PCDH15: variants seen among roughly 807,000 people sequenced by gnomAD.
PCDH15 encodes the protein protocadherin-15.
A neutral mutation model predicts 178.5 loss-of-function variants in PCDH15; 129 were observed. The observed-to-expected ratio is 0.72, with a 90% CI of 0.63 to 0.84. The LOEUF is 0.84. Among genes scored for constraint, PCDH15 ranks in the 40% least tolerant of loss-of-function variants. PCDH15 has a pLI of 0.00. For synonymous variants in PCDH15, 800 were observed against 732.0 expected, an observed-to-expected ratio of 1.09 and a Z score of -1.50; for missense variants, 2,230 against 2,099.9, an observed-to-expected ratio of 1.06 and a Z score of -1.21.
chr10:54,539,655 A>G (rs1298829408), intron 2 of PCDH15, among the ~76,000 whole-genome samples: 1 of 152,182 alleles, frequency 6.6e-6, no homozygotes, highest in Non-Finnish European at 1.5e-5. Flanking sequence ...AGGACACTCC[A>G]TATATCAACC....
intron 1 of PCDH15, among the ~76,000 whole-genome samples, chr10:54,675,219 A>G (rs1413615602): frequency 6.6e-6 from 1 of 152,044 alleles, no homozygotes; most frequent in Non-Finnish European, 1.5e-5. Context: ...TATTAAAATG[A>G]TACAGACATT....
chr10:54,030,727 G>A (rs1030080090), intron 18 of PCDH15, among the ~76,000 whole-genome samples: 30 of 151,884 alleles, frequency 2.0e-4, no homozygotes, highest in African/African-American at 7.2e-4. Flanking sequence ...GCTCTACCTG[G>A]TCTTGTTCTA....
At chr10:54,367,830 T>C (rs1947041349) in intron 5 of PCDH15, among the ~76,000 whole-genome samples, 2 of 151,506 alleles carry the variant, frequency 1.3e-5, no homozygotes, top group Admixed American at 1.3e-4. Flanking sequence ...TGTGTGTATA[T>C]ATATACATAT....
At chr10:55,291,139 C>T (rs1842997244) in intron 1 of PCDH15, among the ~76,000 whole-genome samples, 1 of 152,152 alleles carries the variant, frequency 6.6e-6, no homozygotes, top group African/African-American at 2.4e-5. Flanking sequence ...TTCATGTCCT[C>T]ACATTTCAAA....
At chr10:53,957,553 C>A (rs1023087580) in intron 23 of PCDH15, among the ~76,000 whole-genome samples, 2 of 147,000 alleles carry the variant, frequency 1.4e-5, no homozygotes, top group Admixed American at 7.0e-5. Flanking sequence ...GACTGATGGG[C>A]AGCCTGGATA....
At chr10:54,505,644 C>T (rs945706152) in intron 3 of PCDH15, among the ~76,000 whole-genome samples, 3 of 151,400 alleles carry the variant, frequency 2.0e-5, no homozygotes. Context: ...TGGGGCCTGT[C>T]GGGGGGTCGG....
intron 1 of PCDH15, among the ~76,000 whole-genome samples, chr10:54,757,739 A>T (rs553489165): frequency 2.3e-3 from 350 of 152,268 alleles, no homozygotes; most frequent in South Asian, 7.9e-3. Context: ...CGAGAGAGAG[A>T]CAGAGAGAGA....
In PCDH15 at chr10:54,020,284, C is replaced by A; in HGVS notation, c.2659G>T (p.Asp887Tyr). ...AGAAAAGTGATACTTGCTTCTTGGT[C>A]TGGAAATGCCTCATAATCTAAACTC... ...LRSLDYEAFP[D>Y]QEASITFLVE... The change falls in exon 20 of 38, where the codon GAC becomes TAC. Residue 887 changes from aspartate to tyrosine, a missense_variant. Physicochemically the swap from Asp to Tyr is radical, Grantham distance 160. Coordinates refer to ENST00000644397, the MANE Select transcript of PCDH15 (RefSeq NM_001384140.1). 6.2e-7 allele frequency: 1 copy of A among 1,613,754 alleles called. No homozygotes were observed. Among genetic ancestry groups the A allele is most frequent in the Non-Finnish European group, 8.5e-7 (1 of 1,179,788 alleles).
At chr10:54,177,372 C>T (rs190000340) in intron 13 of PCDH15, among the ~76,000 whole-genome samples, 3 of 152,106 alleles carry the variant, frequency 2.0e-5, no homozygotes, top group African/African-American at 4.8e-5. Context: ...GTCATTAGTA[C>T]AAAACCATAA....
chr10:55,450,955 C>CTATATATATATATATATATATA lies in PCDH15; in HGVS notation c.-156+176648_-156+176669dup, dbSNP rs56986885. ...AGATACATGGAAGAAGGGGTAAGAA[C>CTATATATATATATATATATATA]TATATATATATATATATATATATAT... is the stretch of plus-strand genomic sequence containing the variant. On this transcript the variant is annotated intron_variant, in intron 2 of 5. Transcript: ENST00000613346. Among the ~76,000 whole-genome samples the CTATATATATATATATATATATA allele has an allele frequency of 8.6e-4, 105 of 122,284 alleles. 2 individuals carry two copies. The highest frequency in any genetic ancestry group is 3.0e-3 in the African/African-American group (89 of 29,536). 80.2% of individuals were successfully genotyped at this position (122,284 alleles called of 152,430 possible).
chr10:54,428,531 T>C (rs1194538317), intron 3 of PCDH15, among the ~76,000 whole-genome samples: 4 of 152,204 alleles, frequency 2.6e-5, no homozygotes, highest in Admixed American at 6.5e-5. Context: ...TGCATCTGCA[T>C]TGTAGGTAAG....
intron 2 of PCDH15, among the ~76,000 whole-genome samples, chr10:54,913,081 G>A (rs1423163278): frequency 6.6e-6 from 1 of 152,160 alleles, no homozygotes; most frequent in Non-Finnish European, 1.5e-5. Context: ...CTAGCCATGT[G>A]ATAGAAAAGA....
intron 2 of PCDH15, among the ~76,000 whole-genome samples, chr10:55,568,319 T>C (rs758379306): frequency 1.2e-4 from 18 of 151,936 alleles, no homozygotes; most frequent in Non-Finnish European, 4.4e-5. Context: ...GAGAGGCAAA[T>C]ACTCTATTAT....
chr10:54,907,853 T>C (rs1954751295), intron 2 of PCDH15, among the ~76,000 whole-genome samples: 2 of 152,200 alleles, frequency 1.3e-5, no homozygotes, highest in African/African-American at 2.4e-5. Flanking sequence ...CCATACCCTA[T>C]GAAAGCTGGT....
Position 53,806,653 on chromosome 10 carries a change from G to A in PCDH15, c.5149C>T (p.His1717Tyr), listed in dbSNP as rs1401540899. 1.2e-6 allele frequency: 2 copies of A among 1,613,610 alleles called. No individual in the cohort carries two copies. Among genetic ancestry groups the A allele is most frequent in the Non-Finnish European group, 1.7e-6 (2 of 1,179,754 alleles). Reference sequence around the variant, plus strand: ...AGCTCTTCATCATCAGACTGTGTGTGGTCACTATGAAATTCCAAAGCCTCC... The same window carrying A: ...AGCTCTTCATCATCAGACTGTGTGTAGTCACTATGAAATTCCAAAGCCTCC... The part of the protein sequence containing the change: ...IKEALEFHSD[H>Y]TQSDDEELWM... The change falls in exon 38 of 38, where the codon CAC (histidine) becomes TAC (tyrosine). Residue 1717 changes from histidine to tyrosine, a missense_variant. Coordinates refer to ENST00000644397, the MANE Select transcript of PCDH15 (RefSeq NM_001384140.1).
chr10:55,466,264 T>A (rs1428960910), intron 2 of PCDH15, among the ~76,000 whole-genome samples: 1 of 152,138 alleles, frequency 6.6e-6, no homozygotes, highest in Admixed American at 6.6e-5. Flanking sequence ...TTAACATAAA[T>A]AAAACCTATC....
chr10:54,029,155 C>G (rs1287928101), intron 18 of PCDH15, among the ~76,000 whole-genome samples: 1 of 152,060 alleles, frequency 6.6e-6, no homozygotes, highest in Non-Finnish European at 1.5e-5. Context: ...TACTTCTTTA[C>G]TATTCTAGAT....
intron 20 of PCDH15, among the ~76,000 whole-genome samples, chr10:54,004,990 G>A (rs2092333395): frequency 6.6e-6 from 1 of 150,824 alleles, no homozygotes; most frequent in African/African-American, 2.4e-5. Context: ...GAACAGAATT[G>A]AGAACCCAGA....
chr10:54,058,300 G>A (rs993326973), intron 18 of PCDH15, among the ~76,000 whole-genome samples: 4 of 152,146 alleles, frequency 2.6e-5, no homozygotes, highest in African/African-American at 9.7e-5. Context: ...CCTGAGACTG[G>A]GTAATTTATC....
Sources: allele counts gnomAD v4.1 joint callset (sites outside exome capture counted in the v4.1 genomes callset), GRCh38; gene constraint gnomAD v4.1.1; transcripts MANE v1.5; gene names NCBI Gene and HGNC (gene_info 2026-07-23, HGNC 2026-07-21).